Variants in SPOCK3 observed in about 807,000 individuals in gnomAD.
SPOCK3 encodes SPARC (osteonectin), cwcv and kazal like domains proteoglycan 3, also known as testican-3.
SPOCK3 carries 30 observed loss-of-function variants against 56.6 expected under a neutral mutation model. That is an observed-to-expected ratio of 0.53 (90% CI 0.40 to 0.72). SPOCK3 has a LOEUF of 0.72. Among genes scored for constraint, SPOCK3 ranks in the 30% least tolerant of loss-of-function variants. The pLI is 0.00. For missense variants in SPOCK3, 527 were observed against 530.0 expected (o/e 0.99, Z 0.06); for synonymous variants, 196 against 183.3 (o/e 1.07, Z -0.56).
chr4:167,123,183 A>C (rs1356432209), intron 2 of SPOCK3, among the ~76,000 whole-genome samples: 1 of 152,100 alleles, frequency 6.6e-6, no homozygotes, highest in African/African-American at 2.4e-5. Context: ...AATAATGTTT[A>C]AAGTGATAAA....
rs1732292863 is a variant in SPOCK3 at position 167,189,490 on chromosome 4, A to T, written c.189+44495T>A. 2.7e-5 allele frequency among the ~76,000 whole-genome samples: 4 copies of T among 145,634 alleles called. No individual in the cohort carries two copies. In the South Asian group the frequency reaches 8.6e-4, roughly 31 times the overall value. On this transcript the variant is annotated intron_variant, in intron 2 of 10. Transcript: ENST00000357545. ...AAATTTATTATTTTTTTCCAGCTTT[A>T]TTGAGGTACAATAAATAAAAATTGT... is the stretch of plus-strand genomic sequence containing the variant.
At chr4:167,054,895 T>C (rs1394077546) in intron 3 of SPOCK3, among the ~76,000 whole-genome samples, 1 of 152,268 alleles carries the variant, frequency 6.6e-6, no homozygotes, top group Non-Finnish European at 1.5e-5. Flanking sequence ...TGTTTATGTA[T>C]GTATGTATGT....
At chr4:166,765,939 C>G (rs1737973641) in intron 7 of SPOCK3, among the ~76,000 whole-genome samples, 1 of 151,938 alleles carries the variant, frequency 6.6e-6, no homozygotes, top group African/African-American at 2.4e-5. Flanking sequence ...ATTTTATTCT[C>G]TTTGAAGCAA....
chr4:166,857,498 T>A (rs910871323), intron 6 of SPOCK3, among the ~76,000 whole-genome samples: 2 of 152,206 alleles, frequency 1.3e-5, no homozygotes, highest in Non-Finnish European at 2.9e-5. Flanking sequence ...TTTCTTTTCA[T>A]CCATTATGGA....
At chr4:167,031,578 C>T (rs1438320402) in intron 3 of SPOCK3, among the ~76,000 whole-genome samples, 1 of 151,762 alleles carries the variant, frequency 6.6e-6, no homozygotes, top group Non-Finnish European at 1.5e-5. Flanking sequence ...ATTACAGAGC[C>T]AAAAGTTGAA....
chr4:166,874,380 G>T lies in SPOCK3; in HGVS notation c.589+14750C>A, dbSNP rs571170897. 4.6e-5 allele frequency among the ~76,000 whole-genome samples: 7 copies of T among 152,232 alleles called. No homozygotes were observed. The East Asian group carries it at 1.4e-3, about 29-fold the overall frequency. On this transcript the variant is annotated intron_variant, in intron 6 of 10. Coordinates refer to ENST00000357545, the MANE Select transcript of SPOCK3 (RefSeq NM_001040159.2). Reference sequence around the variant, plus strand: ...GCATCTGTGAGATTGTGGCAGGCAGGCTTGTTAGCTTCCAAGTAGGGAAAA... The same window carrying T: ...GCATCTGTGAGATTGTGGCAGGCAGTCTTGTTAGCTTCCAAGTAGGGAAAA...
intron 6 of SPOCK3, among the ~76,000 whole-genome samples, chr4:166,867,347 A>G (rs1215987577): frequency 6.6e-6 from 1 of 152,016 alleles, no homozygotes; most frequent in Admixed American, 6.6e-5. Flanking sequence ...CATGAGAAAG[A>G]GATAGAGAAG....
chr4:166,776,955 C>A (rs1353493854), intron 7 of SPOCK3, among the ~76,000 whole-genome samples: 2 of 152,074 alleles, frequency 1.3e-5, no homozygotes, highest in Non-Finnish European at 2.9e-5. Flanking sequence ...AATGCAAAGA[C>A]TGAAGGACAT....
intron 2 of SPOCK3, among the ~76,000 whole-genome samples, chr4:167,221,772 G>C (rs190746376): frequency 6.6e-6 from 1 of 152,042 alleles, no homozygotes; most frequent in Non-Finnish European, 1.5e-5. Flanking sequence ...CATTCAGATG[G>C]CTACTAACAA....
In SPOCK3 at chr4:167,180,978, T is replaced by C. The variant is rs79306327; in HGVS notation, c.189+53007A>G. Among the ~76,000 whole-genome samples, 893 of 152,310 alleles carry C rather than the reference T, an allele frequency of 5.9e-3. 4 individuals carry two copies. The highest frequency in any genetic ancestry group is 7.0e-3 in the Non-Finnish European group (478 of 68,018). ...TTTAAATGTTTACATTAATTTGGAC[T>C]ATATTGAATAGGACCAATCCATGGC... On this transcript the variant is annotated intron_variant, in intron 2 of 10. Transcript: ENST00000357545.
At chr4:166,845,495 GA>G (rs535970878) in intron 6 of SPOCK3, among the ~76,000 whole-genome samples, 2 of 151,360 alleles carry the variant, frequency 1.3e-5, no homozygotes, top group Admixed American at 6.6e-5. Context: ...TCATATTTCA[GA>G]AAAAAAATAC....
intron 2 of SPOCK3, among the ~76,000 whole-genome samples, chr4:167,113,120 A>T (rs1761040805): frequency 1.3e-5 from 2 of 152,162 alleles, no homozygotes; most frequent in Admixed American, 6.6e-5. Flanking sequence ...TTGTTGTAGT[A>T]TGAAAAATAC....
intron 2 of SPOCK3, among the ~76,000 whole-genome samples, chr4:167,092,557 C>G (rs1167318761): frequency 1.3e-5 from 2 of 152,090 alleles, no homozygotes; most frequent in African/African-American, 4.8e-5. Flanking sequence ...CTACATTCTT[C>G]GTAGAAATTG....
At chr4:166,780,652 C>G (rs1418605253) in intron 7 of SPOCK3, among the ~76,000 whole-genome samples, 1 of 152,114 alleles carries the variant, frequency 6.6e-6, no homozygotes, top group Non-Finnish European at 1.5e-5. Flanking sequence ...AGGAGAATAT[C>G]CTGAGTATAG....
At position 166,777,212 on chromosome 4, in the gene SPOCK3, CTAAGT is replaced by C. The variant is rs10571205; in HGVS notation, c.709+14953_709+14957del. 3.2e-3 allele frequency among the ~76,000 whole-genome samples: 486 copies of C among 152,172 alleles called. 6 individuals carry two copies. Among genetic ancestry groups the C allele is most frequent in the African/African-American group, 0.011 (447 of 41,538 alleles). ...AATGCATATATTGATCTATCTCAAT[CTAAGT>C]TATTTTTTATTTACATGAAAAGAAA... On this transcript the variant is annotated intron_variant, in intron 7 of 10. Coordinates refer to ENST00000357545, the MANE Select transcript of SPOCK3 (RefSeq NM_001040159.2).
At chr4:166,841,806 C>A (rs374614756) in intron 6 of SPOCK3, among the ~76,000 whole-genome samples, 5 of 152,308 alleles carry the variant, frequency 3.3e-5, no homozygotes, top group East Asian at 3.9e-4. Context: ...ACATCAGTGA[C>A]TATGATGAAA....
At chr4:166,914,065 T>TAA (rs35475092) in intron 4 of SPOCK3, among the ~76,000 whole-genome samples, 1 of 147,334 alleles carries the variant, frequency 6.8e-6, no homozygotes, top group Non-Finnish European at 1.5e-5. Flanking sequence ...AGATACAAAT[T>TAA]AAAAAAAAAA....
intron 4 of SPOCK3, among the ~76,000 whole-genome samples, chr4:166,954,207 C>G (rs552447805): frequency 6.6e-6 from 1 of 151,926 alleles, no homozygotes; most frequent in African/African-American, 2.4e-5. Context: ...TATGTTAACC[C>G]CTTATCAGTT....
intron 3 of SPOCK3, among the ~76,000 whole-genome samples, chr4:167,055,207 T>A (rs1368186355): frequency 6.6e-6 from 1 of 152,200 alleles, no homozygotes; most frequent in South Asian, 2.1e-4. Context: ...TGGATGTCCA[T>A]AATTCAGTGA....
Sources: gnomAD v4.1 joint callset for allele counts (sites outside exome capture counted in the v4.1 genomes callset) on GRCh38, gnomAD v4.1.1 for gene constraint, MANE v1.5 for transcripts, NCBI Gene and HGNC (gene_info 2026-07-23, HGNC 2026-07-21) for gene names.